The following DMXL2 variants were observed in gnomAD, a reference collection of about 807,000 sequenced individuals.
DMXL2 encodes the protein dmX-like protein 2.
A neutral mutation model predicts 331.1 loss-of-function variants in DMXL2; 103 were observed. The ratio of observed to expected loss-of-function variants is 0.31; its 90% CI spans 0.27 to 0.37. DMXL2 has a LOEUF of 0.37. DMXL2 is among the 10% of genes least tolerant of loss of function. DMXL2 has a pLI of 1.00. For synonymous variants in DMXL2, 1,281 were observed against 1,252.1 expected (o/e 1.02, Z -0.49); for missense variants, 3,171 against 3,642.9 (o/e 0.87, Z 3.33).
intron 1 of DMXL2, among the ~76,000 whole-genome samples, chr15:51,619,758 G>C (rs1328475343): frequency 1.3e-5 from 2 of 152,184 alleles, no homozygotes; most frequent in Non-Finnish European, 2.9e-5. Context: ...TAAGAATCAT[G>C]AGTTAGTTGC....
intron 16 of DMXL2, among the ~76,000 whole-genome samples, chr15:51,505,695 C>T (rs1348331963): frequency 2.0e-5 from 3 of 152,092 alleles, no homozygotes; most frequent in Non-Finnish European, 4.4e-5. Flanking sequence ...TTTCTAATGC[C>T]AATTCATGGC....
chr15:51,536,427 A>T lies in DMXL2; in HGVS notation c.2053T>A (p.Ser685Thr), dbSNP rs2048291197. ...LTPELDCQWDSDNKLSRLMDP... is the reference protein window; with the variant it reads ...LTPELDCQWDTDNKLSRLMDP... Reference sequence around the variant, plus strand: ...ATTAATCTACTTAATTTATTGTCTGAGTCCCACTGACAATCTAATTCAGGA... The same window carrying T: ...ATTAATCTACTTAATTTATTGTCTGTGTCCCACTGACAATCTAATTCAGGA... Residue 685 changes from serine (S) to threonine (T), a missense_variant, in exon 12 of 44, where the codon TCA becomes ACA. This residue lies in a region of DMXL2 where 1,674 missense variants were observed against 1,780.2 expected (regional missense o/e 0.94). Coordinates refer to ENST00000560891, the MANE Select transcript of DMXL2 (RefSeq NM_001378457.1). 6.2e-7 allele frequency: 1 copy of T among 1,613,988 alleles called. No individual in the cohort carries two copies. The highest frequency in any genetic ancestry group is 1.3e-5 in the African/African-American group (1 of 75,056).
In DMXL2 at chr15:51,474,609, AATC is replaced by A; in HGVS notation, c.6965-20_6965-18del. The A allele has an allele frequency of 6.3e-7, 1 of 1,580,930 alleles. No individual in the cohort carries two copies. The highest frequency in any genetic ancestry group is 2.3e-5 in the East Asian group (1 of 44,156). ...AGCTCACACCTATAAGGGTATATAA[AATC>A]ATAAGACGTATGTCAGGATGAAGCA... On this transcript the variant is annotated intron_variant, in intron 27 of 43. Coordinates refer to ENST00000560891, the MANE Select transcript of DMXL2 (RefSeq NM_001378457.1).
chr15:51,495,200 A>G (rs1046563362), intron 18 of DMXL2, 66 bp from the exon 19 acceptor site: 2 of 967,660 alleles, frequency 2.1e-6, no homozygotes, highest in South Asian at 1.5e-5. Context: ...CTGATAAGCT[A>G]TAAAACAAAC....
chr15:51,502,470 G>A (rs967324485), intron 17 of DMXL2, among the ~76,000 whole-genome samples: 5 of 151,782 alleles, frequency 3.3e-5, no homozygotes, highest in African/African-American at 4.8e-5. Context: ...TTACAGGCAC[G>A]TGCCACCACG....
intron 1 of DMXL2, among the ~76,000 whole-genome samples, chr15:51,586,865 T>C (rs898144949): frequency 6.6e-6 from 1 of 151,992 alleles, no homozygotes; most frequent in Admixed American, 6.6e-5. Context: ...AAAAGGTAGA[T>C]CCGGAAGTGG....
At chr15:51,538,573 G>A (rs1226294361) in intron 9 of DMXL2, 121 bp from the exon 10 acceptor site, 2 of 717,110 alleles carry the variant, frequency 2.8e-6, no homozygotes, top group African/African-American at 1.8e-5. Context: ...AATTTTAGCA[G>A]CATTTGTAAA....
chr15:51,494,517 G>A (rs1020436124), intron 19 of DMXL2, among the ~76,000 whole-genome samples: 6 of 152,112 alleles, frequency 3.9e-5, no homozygotes, highest in Non-Finnish European at 8.8e-5. Context: ...TACGAAGGCT[G>A]ATATAAATCC....
intron 1 of DMXL2, among the ~76,000 whole-genome samples, chr15:51,586,798 T>C (rs932449399): frequency 3.9e-5 from 6 of 152,130 alleles, no homozygotes; most frequent in Admixed American, 6.5e-5. Context: ...ATTAATTATT[T>C]GCTCTAATTA....
rs761692429 is a variant in DMXL2 at position 51,568,515 on chromosome 15, A to G, written c.257T>C (p.Leu86Ser). Residue 86 changes from leucine (L) to serine (S), a missense_variant, in exon 3 of 44, where the codon TTG becomes TCG. Physicochemically the swap from Leu to Ser is moderately radical, Grantham distance 145. This residue lies in a region of DMXL2 where 1,674 missense variants were observed against 1,780.2 expected (regional missense o/e 0.94). Transcript: ENST00000560891. ...YGNAVCIFEP[L>S]GINSHKRNCQ... ...ATTTCTTTTATGAGAATTTATGCCC[A>G]AGGGCTCAAATATACAAACAGCATT... 1.7e-5 allele frequency: 27 copies of G among 1,578,446 alleles called. No individual in the cohort carries two copies. The East Asian group carries it at 5.0e-4, about 29-fold the overall frequency.
At chr15:51,511,845 G>A (rs943952555) in intron 15 of DMXL2, among the ~76,000 whole-genome samples, 5 of 152,254 alleles carry the variant, frequency 3.3e-5, no homozygotes, top group African/African-American at 1.2e-4. Context: ...ATACACCATG[G>A]AATACTATGC....
intron 18 of DMXL2, among the ~76,000 whole-genome samples, chr15:51,498,040 T>TG (rs1046782953): frequency 2.0e-5 from 3 of 152,096 alleles, no homozygotes; most frequent in African/African-American, 7.2e-5. Flanking sequence ...CGAGACTAGC[T>TG]GGGGCAACAT....
intron 13 of DMXL2, among the ~76,000 whole-genome samples, chr15:51,525,543 G>C (rs532618971): frequency 6.6e-6 from 1 of 152,200 alleles, no homozygotes; most frequent in African/African-American, 2.4e-5. Context: ...TGGATCTTCT[G>C]TGGGCCAGAA....
At chr15:51,456,904 G>C (rs1457996717) in intron 37 of DMXL2, among the ~76,000 whole-genome samples, 1 of 152,180 alleles carries the variant, frequency 6.6e-6, no homozygotes, top group East Asian at 1.9e-4. Flanking sequence ...CAGTGTGGTG[G>C]CTCATGCCTG....
intron 41 of DMXL2, among the ~76,000 whole-genome samples, chr15:51,452,377 G>GACTT (rs749766357): frequency 2.0e-5 from 3 of 151,982 alleles, no homozygotes; most frequent in Non-Finnish European, 4.4e-5. Context: ...TCTGACAAGG[G>GACTT]ACTTATATCT....
intron 33 of DMXL2, among the ~76,000 whole-genome samples, chr15:51,461,275 C>T (rs1263765834): frequency 6.6e-6 from 1 of 151,906 alleles, no homozygotes; most frequent in Non-Finnish European, 1.5e-5. Context: ...GGAAGGGAGA[C>T]TAAGGGGCGG....
intron 13 of DMXL2, among the ~76,000 whole-genome samples, chr15:51,533,224 T>C (rs1322843825): frequency 1.3e-5 from 2 of 152,206 alleles, no homozygotes; most frequent in Non-Finnish European, 2.9e-5. Flanking sequence ...GGTCTCACTA[T>C]GTTGCCCAGG....
Position 51,498,926 on chromosome 15 carries a change from G to A in DMXL2, c.4298C>T (p.Ala1433Val). The change falls in exon 18 of 44, where the codon GCA becomes GTA. Residue 1433 changes from alanine (A) to valine (V), a missense_variant. Ala to Val is a moderately conservative substitution (Grantham distance 64, BLOSUM62 0). Coordinates refer to ENST00000560891, the MANE Select transcript of DMXL2 (RefSeq NM_001378457.1). ...TGTATCTTGATCTGCAGCAAGTAAT[G>A]CATATAGTGGTAGTGGAGGGATAGA... Reference protein sequence around the residue: ...IDSIPPLPLYALLAADQDTSY... With the variant: ...IDSIPPLPLYVLLAADQDTSY... 6.2e-7 allele frequency: 1 copy of A among 1,614,080 alleles called. No individual in the cohort carries two copies. Among genetic ancestry groups the A allele is most frequent in the Non-Finnish European group, 8.5e-7 (1 of 1,180,012 alleles).
At position 51,457,295 on chromosome 15, in the gene DMXL2, T is replaced by C. The variant is rs375799819; in HGVS notation, c.8337+33A>G. 1.9e-6 allele frequency: 3 copies of C among 1,599,906 alleles called. No homozygotes were observed. In the African/African-American group the frequency reaches 4.0e-5, roughly 22 times the overall value. On this transcript the variant is annotated intron_variant, in intron 37 of 43. Coordinates refer to ENST00000560891, the MANE Select transcript of DMXL2 (RefSeq NM_001378457.1). ...TCCAACTGATTTTTCAGAGTCCAAA[T>C]CCAGAAATGATACCTATAAGTAAAT...
Sources: allele counts gnomAD v4.1 joint callset (sites outside exome capture counted in the v4.1 genomes callset), GRCh38; gene constraint gnomAD v4.1.1; regional missense constraint gnomAD v4.1.1; transcripts MANE v1.5; gene names NCBI Gene and HGNC (gene_info 2026-07-23, HGNC 2026-07-21).